PPT2: variants seen among roughly 807,000 people sequenced by gnomAD.
PPT2 encodes lysosomal thioesterase PPT2.
A neutral mutation model predicts 37.3 loss-of-function variants in PPT2; 20 were observed. The ratio of observed to expected loss-of-function variants is 0.54; its 90% CI spans 0.38 to 0.78. The LOEUF (loss-of-function observed/expected upper bound fraction) is 0.78. PPT2 is among the 30% of genes least tolerant of loss of function. PPT2 has a pLI of 0.00. For synonymous variants in PPT2, 135 were observed against 159.1 expected, an observed-to-expected ratio of 0.85 and a Z score of 1.14; for missense variants, 270 against 389.8, an observed-to-expected ratio of 0.69 and a Z score of 2.59.
At chr6:32,157,993 A>C in intron 7 of PPT2, 69 bp downstream of exon 7, 76 of 1,349,252 alleles carry the variant, frequency 5.6e-5, no homozygotes, top group Non-Finnish European at 7.1e-5. Context: ...TCTTTATCTC[A>C]TGCCTAAACT....
At chr6:32,154,033 C>T, upstream of PPT2, 2 of 1,170,052 alleles carry the variant, frequency 1.7e-6, no homozygotes, top group Non-Finnish European at 2.1e-6. This position sits in a 1 kb window ranked among gnomAD's most constrained non-coding sequence, Gnocchi z 7.3. Flanking sequence ...CATTGCCCCT[C>T]CTGTCCTGGG....
chr6:32,155,282 T>A lies in PPT2; in HGVS notation c.337+99T>A. On this transcript the variant is annotated intron_variant, in intron 3 of 8. Transcript: ENST00000324816. The surrounding 1 kb of genome is among the most constrained non-coding windows in gnomAD (Gnocchi z 4.3). ...CGTCCCTTTTTCTGAACCACATTGC[T>A]CCAGGCACAACCCTGGTACCTGAGC... The A allele has an allele frequency of 7.2e-7, 1 of 1,397,058 alleles. No individual in the cohort carries two copies. The highest frequency in any genetic ancestry group is 9.9e-7 in the Non-Finnish European group (1 of 1,010,394). The allele number at this position is 1,397,058 out of a possible 1,614,324, so 86.5% of individuals were successfully genotyped here. A position where few individuals can be genotyped will look rare whatever the true frequency, so the allele number is the denominator to read the frequency against.
Position 32,162,120 on chromosome 6 carries a change from C to T in PPT2, c.711-448C>T, listed in dbSNP as rs1316883165. ...CCAGTAAGGTAGTTTTGAGTGTCCT[C>T]CCTGCTACCTGTCTCCCCAGTAGGC... On this transcript the variant is annotated intron_variant, in intron 7 of 8. Coordinates refer to ENST00000324816, the MANE Select transcript of PPT2 (RefSeq NM_005155.7). This position sits in a 1 kb window ranked among gnomAD's most constrained non-coding sequence, Gnocchi z 5.5. Among the ~76,000 whole-genome samples the T allele has an allele frequency of 6.6e-6, 1 of 152,234 alleles. No individual in the cohort carries two copies. The highest frequency in any genetic ancestry group is 2.4e-5 in the African/African-American group (1 of 41,466).
At position 32,155,312 on chromosome 6, in the gene PPT2, C is replaced by A; in HGVS notation, c.337+129C>A. On this transcript the variant is annotated intron_variant, in intron 3 of 8. Transcript: ENST00000324816. The surrounding 1 kb of genome is among the most constrained non-coding windows in gnomAD (Gnocchi z 4.3). ...GCACAACCCTGGTACCTGAGCCCTT[C>A]CTTTCTGACTTCCCTCAGCACCTGG... 1 of 1,101,840 alleles carries A rather than the reference C, an allele frequency of 9.1e-7. No individual in the cohort carries two copies. Among genetic ancestry groups the A allele is most frequent in the South Asian group, 1.5e-5 (1 of 65,372 alleles). The allele number at this position is 1,101,840 out of a possible 1,614,324, so 68.3% of individuals were successfully genotyped here. A position where few individuals can be genotyped will look rare whatever the true frequency, so the allele number is the denominator to read the frequency against.
Position 32,154,836 on chromosome 6 carries a change from G to A in PPT2, c.183+59G>A, listed in dbSNP as rs1023954764. ...GAGGCGTCTACTGTGGCAGGGGAGG[G>A]AGAGCGGGGAACTGAAAGCCACCCC... On this transcript the variant is annotated intron_variant, in intron 2 of 8. Coordinates refer to ENST00000324816, the MANE Select transcript of PPT2 (RefSeq NM_005155.7). The surrounding 1 kb of genome is among the most constrained non-coding windows in gnomAD (Gnocchi z 7.3). 102 of 1,566,860 alleles carry A rather than the reference G, an allele frequency of 6.5e-5. No homozygotes were observed. Among genetic ancestry groups the A allele is most frequent in the Middle Eastern group, 1.7e-4 (1 of 5,786 alleles).
rs1298288536 is a variant in PPT2, at chr6:32,163,098, G to C, written c.*148G>C. ...TTAGTAGAGACGGGGTTTTAGTAGA[G>C]ACTTGGCCTCCCAGAACCCCCTTCC... On this transcript the variant is annotated 3_prime_UTR_variant, in exon 9 of 9. Transcript: ENST00000324816. The C allele has an allele frequency of 1.1e-6, 1 of 952,130 alleles. No homozygotes were observed. Among genetic ancestry groups the C allele is most frequent in the Non-Finnish European group, 1.5e-6 (1 of 646,670 alleles). The allele number at this position is 952,130 out of a possible 1,614,324, so 59.0% of individuals were successfully genotyped here.
In PPT2 at chr6:32,155,570, G is replaced by GTCTGTGTGTGTC; in HGVS notation, c.338-106_338-95dup. The GTCTGTGTGTGTC allele has an allele frequency of 1.2e-6, 1 of 837,858 alleles. No individual in the cohort carries two copies. The highest frequency in any genetic ancestry group is 1.5e-5 in the South Asian group (1 of 68,638). 51.9% of individuals were successfully genotyped at this position (837,858 alleles called of 1,614,324 possible). ...TCAGTCTCCTTTGTGTACAGTGTGTGTCTGTGTGTGTCTCTGTGTGTGTGT... is the reference window on the plus strand; with the variant it reads ...TCAGTCTCCTTTGTGTACAGTGTGTGTCTGTGTGTGTCTCTGTGTGTGTCTCTGTGTGTGTGT... On this transcript the variant is annotated intron_variant, in intron 3 of 8. Transcript: ENST00000324816. This position sits in a 1 kb window ranked among gnomAD's most constrained non-coding sequence, Gnocchi z 4.3.
At position 32,155,637 on chromosome 6, in the gene PPT2, G is replaced by A; in HGVS notation, c.338-51G>A. Reference sequence around the variant, plus strand: ...GTGTGTGGTGGGGGTGGGGGGTGCTGCTGGCTTTGCTGTCCTTAAGTGCCT... The same window carrying A: ...GTGTGTGGTGGGGGTGGGGGGTGCTACTGGCTTTGCTGTCCTTAAGTGCCT... On this transcript the variant is annotated intron_variant, in intron 3 of 8. Transcript: ENST00000324816. The surrounding 1 kb of genome is among the most constrained non-coding windows in gnomAD (Gnocchi z 4.3). 2 of 1,396,314 alleles carry A rather than the reference G, an allele frequency of 1.4e-6. No homozygotes were observed. The highest frequency in any genetic ancestry group is 2.0e-6 in the Non-Finnish European group (2 of 985,884). The allele number at this position is 1,396,314 out of a possible 1,614,324, so 86.5% of individuals were successfully genotyped here.
intron 7 of PPT2, 52 bp downstream of exon 7, chr6:32,157,976 C>G (rs757580307): frequency 1.3e-5 from 19 of 1,475,374 alleles, no homozygotes; most frequent in Non-Finnish European, 1.5e-5. Flanking sequence ...CCCCCAACCC[C>G]AGTTGGTCTT....
intron 7 of PPT2, among the ~76,000 whole-genome samples, chr6:32,160,434 G>C (rs1414615100): frequency 6.6e-6 from 1 of 151,560 alleles, no homozygotes; most frequent in Non-Finnish European, 1.5e-5. Flanking sequence ...ACTTTGGGAA[G>C]CCGAGGCGGG....
chr6:32,155,938 C>G lies in PPT2; in HGVS notation c.501C>G (p.Ser167Arg). ...MRSNLYRICYSPWGQEFSICN... is the reference protein window; with the variant it reads ...MRSNLYRICYRPWGQEFSICN... ...CTAACCTCTATCGGATCTGCTATAG[C>G]CCCTGGGGCCAGGAATTCTCCATCT... Residue 167 changes from serine to arginine, a missense_variant, in exon 5 of 9, where the codon AGC (serine) becomes AGG (arginine). Physicochemically the swap from Ser to Arg is moderately radical, Grantham distance 110. Transcript: ENST00000324816. This position sits in a 1 kb window ranked among gnomAD's most constrained non-coding sequence, Gnocchi z 4.3. The G allele has an allele frequency of 1.2e-6, 2 of 1,614,006 alleles. No homozygotes were observed. The highest frequency in any genetic ancestry group is 4.5e-5 in the East Asian group (2 of 44,874).
chr6:32,155,717 G>T lies in PPT2; in HGVS notation c.367G>T (p.Val123Phe), dbSNP rs143092169. ...GGLVCRALLS[V>F]MDDHNVDSFI... Reference sequence around the variant, plus strand: ...CCTTGTGTGCCGGGCTCTGCTTTCTGTCATGGATGATCACAACGTGGATTC... The same window carrying T: ...CCTTGTGTGCCGGGCTCTGCTTTCTTTCATGGATGATCACAACGTGGATTC... Residue 123 changes from valine (V) to phenylalanine (F), a missense_variant, in exon 4 of 9, where the codon GTC becomes TTC. Val to Phe is a conservative substitution (Grantham distance 50). Coordinates refer to ENST00000324816, the MANE Select transcript of PPT2 (RefSeq NM_005155.7). This position sits in a 1 kb window ranked among gnomAD's most constrained non-coding sequence, Gnocchi z 4.3. The T allele has an allele frequency of 6.2e-7, 1 of 1,613,986 alleles. No homozygotes were observed. The highest frequency in any genetic ancestry group is 1.1e-5 in the South Asian group (1 of 91,080).
intron 7 of PPT2, among the ~76,000 whole-genome samples, chr6:32,161,649 G>A (rs112186142): frequency 7.0e-4 from 100 of 143,638 alleles, no homozygotes; most frequent in Non-Finnish European, 8.9e-4. Flanking sequence ...GTGCAGTGGC[G>A]CCATCCCGGC....
At chr6:32,159,607 TAGTA>T (rs1471276735) in intron 7 of PPT2, among the ~76,000 whole-genome samples, 1 of 151,530 alleles carries the variant, frequency 6.6e-6, no homozygotes, top group African/African-American at 2.4e-5. Context: ...AATAATATAA[TAGTA>T]AGTGATGAGT....
At chr6:32,157,440 C>G in intron 5 of PPT2, 197 bp from the exon 6 acceptor site, 1 of 600,904 alleles carries the variant, frequency 1.7e-6, no homozygotes, top group South Asian at 2.0e-5. Flanking sequence ...CTCAAACTCC[C>G]GACTTCAAGT....
intron 7 of PPT2, 55 bp downstream of exon 7, chr6:32,157,979 T>G: frequency 6.8e-7 from 1 of 1,466,038 alleles, no homozygotes; most frequent in Non-Finnish European, 9.4e-7. Flanking sequence ...CCAACCCCAG[T>G]TGGTCTTTAT....
intron 7 of PPT2, among the ~76,000 whole-genome samples, chr6:32,159,433 C>CAAAAAAAAAAAAAAAAAAAA (rs1214191656): frequency 9.0e-5 from 2 of 22,198 alleles, no homozygotes; most frequent in Non-Finnish European, 1.5e-4. Flanking sequence ...AACTCCATCT[C>CAAAAAAAAAAAAAAAAAAAA]AAAAAAAAAA....
At chr6:32,153,547 T>G, upstream of PPT2, 1 of 1,520,278 alleles carries the variant, frequency 6.6e-7, no homozygotes, top group Non-Finnish European at 9.0e-7. This position sits in a 1 kb window ranked among gnomAD's most constrained non-coding sequence, Gnocchi z 4.4. Context: ...CAGGAGAAAC[T>G]GGGCCAGGCT....
At position 32,154,686 on chromosome 6, in the gene PPT2, C is replaced by T. The variant is rs552013847; in HGVS notation, c.92C>T (p.Pro31Leu). 3 of 1,613,050 alleles carry T rather than the reference C, an allele frequency of 1.9e-6. No individual in the cohort carries two copies. In the East Asian group the frequency reaches 6.7e-5, roughly 36 times the overall value. Reference sequence around the variant, plus strand: ...CTGCTGCTGCTTGCAGCCCCCGCGCCCCACCGCGCGTCCTACAAGCCGGTC... The same window carrying T: ...CTGCTGCTGCTTGCAGCCCCCGCGCTCCACCGCGCGTCCTACAAGCCGGTC... ...LPLLLLAAPAPHRASYKPVIV... is the reference protein window; with the variant it reads ...LPLLLLAAPALHRASYKPVIV... The change falls in exon 2 of 9, where the codon CCC becomes CTC. Residue 31 changes from proline to leucine, a missense_variant. By Grantham distance (98) the Pro-to-Leu change is moderately conservative. Coordinates refer to ENST00000324816, the MANE Select transcript of PPT2 (RefSeq NM_005155.7). This position sits in a 1 kb window ranked among gnomAD's most constrained non-coding sequence, Gnocchi z 7.3.
Sources: gnomAD v4.1 joint callset for allele counts (sites outside exome capture counted in the v4.1 genomes callset) on GRCh38, gnomAD v4.1.1 for gene constraint, Gnocchi (gnomAD v3.1) non-coding constraint, MANE v1.5 for transcripts, NCBI Gene and HGNC (gene_info 2026-07-23, HGNC 2026-07-21) for gene names.